IQSEC1: variants seen among roughly 807,000 people sequenced by gnomAD.
The protein encoded by IQSEC1 is IQ motif and Sec7 domain ArfGEF 1, also known as IQ motif and SEC7 domain-containing protein 1.
A neutral mutation model predicts 91.0 loss-of-function variants in IQSEC1; 31 were observed. The ratio of observed to expected loss-of-function variants is 0.34; its 90% confidence interval spans 0.26 to 0.46. The LOEUF is 0.46. IQSEC1 is among the 20% of genes least tolerant of loss of function. The pLI is 1.00. For synonymous variants in IQSEC1, 699 were observed against 662.6 expected, an observed-to-expected ratio of 1.05 and a Z score of -0.84; for missense variants, 1,388 against 1,575.6, an observed-to-expected ratio of 0.88 and a Z score of 2.02.
chr3:12,904,366 C>T (rs1250350113), intron 12 of IQSEC1, among the ~76,000 whole-genome samples: 7 of 152,242 alleles, frequency 4.6e-5, no homozygotes, highest in Non-Finnish European at 7.3e-5. Flanking sequence ...GAAAGGGCCA[C>T]ACGGCACATC....
chr3:13,160,785 CT>C (rs1212275667), intron 2 of IQSEC1, among the ~76,000 whole-genome samples: 1 of 152,270 alleles, frequency 6.6e-6, no homozygotes, highest in African/African-American at 2.4e-5. Flanking sequence ...GATGAATCCA[CT>C]GCACAGACAC....
At position 13,282,830 on chromosome 3, in the gene IQSEC1, G is replaced by A. The variant is rs1256356801; in HGVS notation, c.153C>T (p.Ala51=). Residue 51 remains alanine (A), a synonymous_variant, in exon 1 of 16, where the codon GCC becomes GCT. Transcript: ENST00000648114. The surrounding 1 kb of genome is among the most constrained non-coding windows in gnomAD (Gnocchi z 6.4). Reference sequence around the variant, plus strand: ...GTCGCCGGTGTCGCTCCAGCAGGCCGGCGTTCTCCCGGCTCAGCCGCGCCA... The same window carrying A: ...GTCGCCGGTGTCGCTCCAGCAGGCCAGCGTTCTCCCGGCTCAGCCGCGCCA... Among the ~76,000 whole-genome samples, 1 of 147,790 alleles carries A rather than the reference G, an allele frequency of 6.8e-6. No individual in the cohort carries two copies. The highest frequency in any genetic ancestry group is 2.4e-5 in the African/African-American group (1 of 40,924).
chr3:13,223,593 C>T (rs1694698935), intron 1 of IQSEC1, among the ~76,000 whole-genome samples: 1 of 152,200 alleles, frequency 6.6e-6, no homozygotes, highest in Non-Finnish European at 1.5e-5. Context: ...AAAAACTGGC[C>T]TCCCAGGTCC....
chr3:13,082,654 C>G (rs534716349), intron 2 of IQSEC1, among the ~76,000 whole-genome samples: 2 of 152,340 alleles, frequency 1.3e-5, no homozygotes, highest in South Asian at 4.1e-4. Context: ...TCCCTTCTTA[C>G]TGTTCTAAAC....
At chr3:13,063,472 T>C (rs1014594909) in intron 1 of IQSEC1, among the ~76,000 whole-genome samples, 5 of 152,348 alleles carry the variant, frequency 3.3e-5, no homozygotes, top group African/African-American at 1.2e-4. Context: ...TCATCAGGAA[T>C]GCTGCGGGCA....
chr3:13,070,403 T>C (rs1185449304), intron 1 of IQSEC1, among the ~76,000 whole-genome samples: 1 of 152,212 alleles, frequency 6.6e-6, no homozygotes, highest in Non-Finnish European at 1.5e-5. Flanking sequence ...GCTCTGATAG[T>C]GGCTACAGTG....
At chr3:13,185,538 T>C (rs1454545871) in intron 1 of IQSEC1, among the ~76,000 whole-genome samples, 1 of 152,208 alleles carries the variant, frequency 6.6e-6, no homozygotes, top group Non-Finnish European at 1.5e-5. Flanking sequence ...GCATAAAGCG[T>C]GACAATGGCC....
intron 2 of IQSEC1, among the ~76,000 whole-genome samples, chr3:13,083,522 A>G (rs1205135354): frequency 1.3e-5 from 2 of 152,222 alleles, no homozygotes; most frequent in Non-Finnish European, 2.9e-5. Context: ...GGATAAGTGT[A>G]CCTGGGAGGG....
At chr3:13,109,389 G>A (rs572215890) in intron 2 of IQSEC1, among the ~76,000 whole-genome samples, 2 of 152,206 alleles carry the variant, frequency 1.3e-5, no homozygotes, top group South Asian at 2.1e-4. Flanking sequence ...CAGAGCCCTC[G>A]ATCAGGTAAC....
chr3:12,965,960 A>G (rs1700535215), intron 1 of IQSEC1, among the ~76,000 whole-genome samples: 1 of 152,204 alleles, frequency 6.6e-6, no homozygotes, highest in African/African-American at 2.4e-5. Context: ...GCAGGCACTC[A>G]ATAAACCACA....
intron 1 of IQSEC1, among the ~76,000 whole-genome samples, chr3:13,036,361 C>A (rs958969763): frequency 1.3e-5 from 2 of 152,192 alleles, no homozygotes; most frequent in African/African-American, 2.4e-5. Context: ...GTATCCCTTT[C>A]ACAAGGCTGT....
At chr3:13,123,413 C>T (rs1182818037) in intron 2 of IQSEC1, among the ~76,000 whole-genome samples, 4 of 152,332 alleles carry the variant, frequency 2.6e-5, no homozygotes, top group African/African-American at 7.2e-5. Context: ...CCCATGGGGA[C>T]GGTGGCCTGT....
At chr3:13,040,232 C>T (rs1252327570) in intron 1 of IQSEC1, among the ~76,000 whole-genome samples, 1 of 152,218 alleles carries the variant, frequency 6.6e-6, no homozygotes, top group Non-Finnish European at 1.5e-5. Flanking sequence ...ATTCCAACTC[C>T]CATGTCTAGG....
chr3:13,166,579 G>C (rs1693501865), intron 1 of IQSEC1, among the ~76,000 whole-genome samples: 2 of 152,224 alleles, frequency 1.3e-5, no homozygotes, highest in African/African-American at 4.8e-5. Flanking sequence ...TGCGGATTAG[G>C]GATGATAGCA....
intron 1 of IQSEC1, among the ~76,000 whole-genome samples, chr3:13,168,728 A>G (rs1443092859): frequency 6.6e-6 from 1 of 152,108 alleles, no homozygotes; most frequent in Admixed American, 6.5e-5. Context: ...TTCCTGGAAG[A>G]TCTGTCCTGT....
chr3:13,029,489 C>T (rs1703757278), intron 1 of IQSEC1, among the ~76,000 whole-genome samples: 1 of 152,212 alleles, frequency 6.6e-6, no homozygotes. Flanking sequence ...CAATGTCTAA[C>T]CTAAATCCTT....
At chr3:13,153,185 C>T (rs910843570) in intron 2 of IQSEC1, among the ~76,000 whole-genome samples, 1 of 152,124 alleles carries the variant, frequency 6.6e-6, no homozygotes, top group Non-Finnish European at 1.5e-5. Context: ...CTCCTCAGGG[C>T]TCCTGGCTTC....
chr3:13,128,876 CAAAA>C (rs34011478), intron 2 of IQSEC1, among the ~76,000 whole-genome samples: 2 of 87,460 alleles, frequency 2.3e-5, no homozygotes, highest in East Asian at 6.3e-4. Context: ...GACTCTGTCT[CAAAA>C]AAAAAAAAAA....
At chr3:12,929,818 GC>G (rs1697508016) in intron 3 of IQSEC1, among the ~76,000 whole-genome samples, 1 of 152,164 alleles carries the variant, frequency 6.6e-6, no homozygotes, top group South Asian at 2.1e-4. Flanking sequence ...CCCCTAAAAT[GC>G]CCCAGCAGGC....
Sources: gnomAD v4.1 joint callset for allele counts (sites outside exome capture counted in the v4.1 genomes callset) on GRCh38, gnomAD v4.1.1 for gene constraint, Gnocchi (gnomAD v3.1) non-coding constraint, MANE v1.5 for transcripts, NCBI Gene and HGNC (gene_info 2026-07-23, HGNC 2026-07-21) for gene names.